CCDC178: variants seen among roughly 807,000 people sequenced by gnomAD.
CCDC178 encodes coiled-coil domain-containing protein 178.
A neutral mutation model predicts 117.4 loss-of-function variants in CCDC178; 126 were observed. That is an observed-to-expected ratio of 1.07 (90% CI 0.93 to 1.24). The LOEUF (loss-of-function observed/expected upper bound fraction) is 1.24, where lower values mean the gene tolerates loss of function less well. CCDC178 is among the 50% of genes most tolerant of loss of function. The pLI is 0.00. For missense variants in CCDC178, 1,030 were observed against 986.9 expected (o/e 1.04, Z -0.59); for synonymous variants, 283 against 313.4 (o/e 0.90, Z 1.02).
intron 21 of CCDC178, among the ~76,000 whole-genome samples, chr18:33,090,166 A>G (rs1219991886): frequency 2.6e-5 from 4 of 152,148 alleles, no homozygotes; most frequent in East Asian, 1.9e-4. Flanking sequence ...TGTGTCAAGT[A>G]AGGGGACATT....
intron 11 of CCDC178, among the ~76,000 whole-genome samples, chr18:33,309,288 T>G (rs2062302848): frequency 6.6e-6 from 1 of 152,032 alleles, no homozygotes; most frequent in African/African-American, 2.4e-5. Context: ...GTGTTTAAGG[T>G]TCTTACTTAG....
chr18:33,261,348 T>G (rs112122667), intron 14 of CCDC178, among the ~76,000 whole-genome samples: 11,370 of 152,052 alleles, frequency 0.075, 660 homozygotes, highest in African/African-American at 0.16. Flanking sequence ...CTCCCAAAGT[T>G]CTGGGACTAC....
intron 6 of CCDC178, among the ~76,000 whole-genome samples, chr18:33,361,392 AAAGAACATAGAGG>A (rs2063126001): frequency 6.6e-6 from 1 of 151,766 alleles, no homozygotes; most frequent in Non-Finnish European, 1.5e-5. Context: ...AACTCCTAGA[AAAGAACATAGAGG>A]AAAAGCTCCT....
chr18:33,233,083 C>A (rs1363092384), intron 15 of CCDC178, among the ~76,000 whole-genome samples: 1 of 152,104 alleles, frequency 6.6e-6, no homozygotes. Flanking sequence ...ACAAAATAAA[C>A]AATTATTGTT....
intron 4 of CCDC178, among the ~76,000 whole-genome samples, chr18:33,390,399 T>C (rs967826340): frequency 6.6e-6 from 1 of 152,076 alleles, no homozygotes; most frequent in East Asian, 1.9e-4. Flanking sequence ...TCATATAACT[T>C]TATTCATAAC....
chr18:32,985,225 C>T (rs1208289100), intron 21 of CCDC178, among the ~76,000 whole-genome samples: 3 of 151,894 alleles, frequency 2.0e-5, no homozygotes, highest in African/African-American at 7.2e-5. Context: ...ATTTCTTTTA[C>T]ACACAAGTAA....
At chr18:33,271,400 G>T (rs1469140259) in intron 12 of CCDC178, among the ~76,000 whole-genome samples, 1 of 151,508 alleles carries the variant, frequency 6.6e-6, no homozygotes, top group Non-Finnish European at 1.5e-5. Context: ...GCTGGAAAAA[G>T]AAATTCCATG....
intron 15 of CCDC178, among the ~76,000 whole-genome samples, chr18:33,242,968 C>T (rs534687434): frequency 6.6e-6 from 1 of 151,792 alleles, no homozygotes; most frequent in African/African-American, 2.4e-5. Flanking sequence ...TTTTGTGGCA[C>T]TATTCACAAT....
rs75995709 is a variant in CCDC178, at chr18:33,285,073, T to C, written c.1176+8086A>G. Among the ~76,000 whole-genome samples, 1,322 of 152,160 alleles carry C rather than the reference T, an allele frequency of 8.7e-3. 50 individuals are homozygous for C. The East Asian group carries it at 0.13, about 14-fold the overall frequency. On this transcript the variant is annotated intron_variant, in intron 12 of 22. Transcript: ENST00000383096. ...CATTAAAAGTTTGAAAATTCTAAAA[T>C]TATTGAATCTAAAAATCGTTTCTTT...
intron 20 of CCDC178, among the ~76,000 whole-genome samples, chr18:33,097,529 G>C (rs1176272448): frequency 6.6e-6 from 1 of 152,104 alleles, no homozygotes; most frequent in Non-Finnish European, 1.5e-5. Flanking sequence ...TGAAATGCCA[G>C]ATATCTTGTG....
At position 33,245,403 on chromosome 18, in the gene CCDC178, A is replaced by G. The variant is rs1360483933; in HGVS notation, c.1435T>C (p.Ser479Pro). ...ATTATTGTCAAATATTTTATTTCAG[A>G]TTCGTATTTTGATTTTTTCCGTATG... is the stretch of plus-strand genomic sequence containing the variant. ...ESIRKKSKYE[S>P]EIKYLTIMKL... Residue 479 changes from serine to proline, a missense_variant, in exon 15 of 23, where the codon TCT becomes CCT. By Grantham distance (74) the Ser-to-Pro change is moderately conservative (BLOSUM62 -1). Transcript: ENST00000383096. 3.2e-6 allele frequency: 5 copies of G among 1,570,494 alleles called. No individual in the cohort carries two copies. The African/African-American group carries it at 5.5e-5, about 17-fold the overall frequency.
intron 21 of CCDC178, among the ~76,000 whole-genome samples, chr18:33,045,559 C>T (rs1446432142): frequency 6.6e-6 from 1 of 152,176 alleles, no homozygotes; most frequent in Non-Finnish European, 1.5e-5. Context: ...TAGTCTAATG[C>T]TCATGAAAAT....
At chr18:33,245,521 T>C (rs2059539903) in intron 14 of CCDC178, 93 bp from the exon 15 acceptor site, 22 of 1,204,224 alleles carry the variant, frequency 1.8e-5, no homozygotes, top group Non-Finnish European at 2.4e-5. Context: ...ATATTTTATG[T>C]TGTCAAAAAT....
At chr18:33,262,096 T>C (rs2059757711) in intron 14 of CCDC178, among the ~76,000 whole-genome samples, 1 of 152,168 alleles carries the variant, frequency 6.6e-6, no homozygotes, top group Non-Finnish European at 1.5e-5. Flanking sequence ...TATCAGATAT[T>C]GGGGAAATTT....
intron 14 of CCDC178, among the ~76,000 whole-genome samples, chr18:33,258,778 T>C (rs1828012679): frequency 6.6e-6 from 1 of 152,168 alleles, no homozygotes; most frequent in Non-Finnish European, 1.5e-5. Context: ...AGTTTATGAA[T>C]CATAGTTATG....
At chr18:33,173,302 A>G (rs890746201) in intron 20 of CCDC178, among the ~76,000 whole-genome samples, 1 of 152,130 alleles carries the variant, frequency 6.6e-6, no homozygotes, top group African/African-American at 2.4e-5. Context: ...TGCCTGCCTC[A>G]GCCTCCCAAA....
At chr18:33,285,557 T>C (rs957248979) in intron 12 of CCDC178, among the ~76,000 whole-genome samples, 1 of 152,164 alleles carries the variant, frequency 6.6e-6, no homozygotes, top group African/African-American at 2.4e-5. Flanking sequence ...CTTATGAATA[T>C]GGATGCAAAA....
chr18:33,076,673 G>C (rs1487846217), intron 21 of CCDC178, among the ~76,000 whole-genome samples: 1 of 152,044 alleles, frequency 6.6e-6, no homozygotes, highest in Non-Finnish European at 1.5e-5. Flanking sequence ...GGTTACTCTA[G>C]TCAGCTCGTG....
chr18:33,183,127 A>T (rs2058749863), intron 20 of CCDC178, among the ~76,000 whole-genome samples: 1 of 152,056 alleles, frequency 6.6e-6, no homozygotes. Context: ...GCTTTACAAC[A>T]GTCAAAATAT....
Sources: allele counts gnomAD v4.1 joint callset (sites outside exome capture counted in the v4.1 genomes callset), GRCh38; gene constraint gnomAD v4.1.1; transcripts MANE v1.5; gene names NCBI Gene and HGNC (gene_info 2026-07-23, HGNC 2026-07-21).